STK33: variants seen among roughly 807,000 people sequenced by gnomAD.
STK33 encodes serine/threonine-protein kinase 33.
STK33 carries 52 observed loss-of-function variants against 58.0 expected under a neutral mutation model. That is an observed-to-expected ratio of 0.90 (90% CI 0.72 to 1.13). STK33 has a LOEUF of 1.13. STK33 is among the 50% of genes most tolerant of loss of function. The probability of loss-of-function intolerance (pLI) is 0.00; values close to 1 mark genes in which losing one functional copy is unlikely to be tolerated. For synonymous variants in STK33, 215 were observed against 200.1 expected (o/e 1.07, Z -0.63); for missense variants, 630 against 604.2 (o/e 1.04, Z -0.45).
chr11:8,357,447 A>G, the STK33 span, among the ~76,000 whole-genome samples: 1 of 152,254 alleles, frequency 6.6e-6, no homozygotes, highest in African/African-American at 2.4e-5. Flanking sequence ...AATGAAGATG[A>G]ATATTCATAT....
chr11:8,362,779 A>G, the STK33 span, among the ~76,000 whole-genome samples: 1 of 151,948 alleles, frequency 6.6e-6, no homozygotes, highest in Admixed American at 6.6e-5. Context: ...AGCAGCAGCC[A>G]GCTTCCTTCT....
chr11:8,461,144 G>A (rs1565069794), intron 8 of STK33, among the ~76,000 whole-genome samples: 1 of 152,140 alleles, frequency 6.6e-6, no homozygotes, highest in Non-Finnish European at 1.5e-5. Context: ...AGAAGTGGTG[G>A]AGCCAGGATT....
At chr11:8,553,543 T>C (rs1037320852) in intron 1 of STK33, among the ~76,000 whole-genome samples, 5 of 152,018 alleles carry the variant, frequency 3.3e-5, no homozygotes, top group African/African-American at 4.8e-5. Flanking sequence ...TTATACGCTA[T>C]ACGACTGTAT....
At chr11:8,536,296 T>C (rs1954993671) in intron 1 of STK33, among the ~76,000 whole-genome samples, 1 of 152,154 alleles carries the variant, frequency 6.6e-6, no homozygotes, top group Non-Finnish European at 1.5e-5. Context: ...CAACAGAATT[T>C]CACAGGTATC....
At chr11:8,423,406 C>A (rs913676002) in intron 14 of STK33, among the ~76,000 whole-genome samples, 1 of 151,976 alleles carries the variant, frequency 6.6e-6, no homozygotes, top group Non-Finnish European at 1.5e-5. Flanking sequence ...TTTGCTGTAT[C>A]CTCCAAGTTT....
At chr11:8,553,225 GGTGTGTAT>G (rs58491449) in intron 1 of STK33, among the ~76,000 whole-genome samples, 3 of 67,536 alleles carry the variant, frequency 4.4e-5, no homozygotes, top group African/African-American at 1.3e-4. Flanking sequence ...ATATATATAT[GGTGTGTAT>G]ATATATATGA....
At chr11:8,547,198 A>G (rs937335369) in intron 1 of STK33, among the ~76,000 whole-genome samples, 2 of 151,898 alleles carry the variant, frequency 1.3e-5, no homozygotes, top group Non-Finnish European at 2.9e-5. Context: ...GGCCATTTGT[A>G]TGTCTTCTTT....
chr11:8,574,128 A>T (rs755453400), intron 1 of STK33, among the ~76,000 whole-genome samples: 1 of 152,146 alleles, frequency 6.6e-6, no homozygotes, highest in African/African-American at 2.4e-5. Context: ...ACCCCAGAGG[A>T]AGTGGACACT....
In STK33 at chr11:8,398,640, T is replaced by C. The variant is rs569311433; in HGVS notation, c.1345-5930A>G. 2.5e-3 allele frequency among the ~76,000 whole-genome samples: 377 copies of C among 152,304 alleles called. 2 individuals carry two copies. Among genetic ancestry groups the C allele is most frequent in the Non-Finnish European group, 4.0e-3 (275 of 68,024 alleles). ...TAACCTTAAAGGTAAATAGGCTAAA[T>C]GCTCCAATTAAAAGACACAGACTGG... On this transcript the variant is annotated intron_variant, in intron 15 of 15. Transcript: ENST00000687296.
Position 8,410,470 on chromosome 11 carries a change from C to CTTTTTT in STK33, c.1344+3019_1344+3024dup, listed in dbSNP as rs11382344. 4.4e-3 allele frequency among the ~76,000 whole-genome samples: 536 copies of CTTTTTT among 121,638 alleles called. 2 individuals carry two copies. The highest frequency in any genetic ancestry group is 6.9e-3 in the African/African-American group (224 of 32,240). 79.8% of individuals were successfully genotyped at this position (121,638 alleles called of 152,430 possible). A position where few individuals can be genotyped will look rare whatever the true frequency, so the allele number is the denominator to read the frequency against. On this transcript the variant is annotated intron_variant, in intron 15 of 15. Transcript: ENST00000687296. ...GCAAAAATCTATTTTCTTTTCTTTT[C>CTTTTTT]TTTTTTTTTTTTTTTTTTCTGAGAC...
At chr11:8,395,931 G>A (rs1564842076) in intron 15 of STK33, among the ~76,000 whole-genome samples, 1 of 152,226 alleles carries the variant, frequency 6.6e-6, no homozygotes, top group East Asian at 1.9e-4. Flanking sequence ...AAGAGTGCCT[G>A]TTTTCTTATT....
chr11:8,417,872 A>G (rs572900297), intron 14 of STK33, among the ~76,000 whole-genome samples: 1 of 152,154 alleles, frequency 6.6e-6, no homozygotes. Context: ...GTAAATTAGC[A>G]ATACTTGATC....
chr11:8,562,464 G>C (rs1322360933), intron 1 of STK33, among the ~76,000 whole-genome samples: 2 of 151,960 alleles, frequency 1.3e-5, no homozygotes, highest in African/African-American at 4.8e-5. Context: ...GATACTCATG[G>C]CCCCCCACTT....
chr11:8,358,350 C>T, the STK33 span, among the ~76,000 whole-genome samples: 2 of 152,238 alleles, frequency 1.3e-5, no homozygotes, highest in African/African-American at 2.4e-5. Flanking sequence ...GCTGCATAGA[C>T]TCCCTTAGCC....
At chr11:8,538,434 G>T (rs1350618023) in intron 1 of STK33, among the ~76,000 whole-genome samples, 1 of 152,208 alleles carries the variant, frequency 6.6e-6, no homozygotes, top group Non-Finnish European at 1.5e-5. Flanking sequence ...AGTCCATGCT[G>T]TTGAAATCAG....
At chr11:8,396,472 T>C (rs1849363053) in intron 15 of STK33, among the ~76,000 whole-genome samples, 1 of 152,228 alleles carries the variant, frequency 6.6e-6, no homozygotes, top group Non-Finnish European at 1.5e-5. Context: ...CCTAAAAGTT[T>C]TTCTAAAAGA....
chr11:8,466,067 C>T (rs1565092724), intron 6 of STK33: 1 of 152,192 alleles, frequency 6.6e-6, no homozygotes, highest in Non-Finnish European at 1.5e-5. Flanking sequence ...ATTCAATCAT[C>T]TCCCAGTGGT....
chr11:8,540,276 T>C (rs11041968), intron 1 of STK33, among the ~76,000 whole-genome samples: 370 of 151,798 alleles, frequency 2.4e-3, no homozygotes, highest in Non-Finnish European at 4.3e-3. Flanking sequence ...AGGCTAGAAG[T>C]TTGAGACCAG....
chr11:8,532,804 T>A (rs2140154525), intron 1 of STK33, among the ~76,000 whole-genome samples: 1 of 152,296 alleles, frequency 6.6e-6, no homozygotes, highest in East Asian at 1.9e-4. Context: ...ATATAAGGTT[T>A]AAGATTATTT....
Sources: allele counts gnomAD v4.1 joint callset (sites outside exome capture counted in the v4.1 genomes callset), GRCh38; gene constraint gnomAD v4.1.1; transcripts MANE v1.5; gene names NCBI Gene and HGNC (gene_info 2026-07-23, HGNC 2026-07-21).